The following SPTLC1 variants were observed in gnomAD, a reference collection of about 807,000 sequenced individuals.
SPTLC1 encodes the protein serine palmitoyltransferase long chain base subunit 1.
SPTLC1 carries 55 observed loss-of-function variants against 68.9 expected under a neutral mutation model. That is an observed-to-expected ratio of 0.80 (90% CI 0.64 to 1.00). The LOEUF is 1.00. SPTLC1 is among the 50% of genes least tolerant of loss of function. The probability of loss-of-function intolerance (pLI) is 0.00; values close to 1 mark genes in which losing one functional copy is unlikely to be tolerated. For synonymous variants in SPTLC1, 197 were observed against 201.6 expected (o/e 0.98, Z 0.19); for missense variants, 449 against 573.1 (o/e 0.78, Z 2.21).
At chr9:92,068,245 C>A in intron 5 of SPTLC1, 147 bp from the exon 6 acceptor site, 1 of 768,280 alleles carries the variant, frequency 1.3e-6, no homozygotes, top group South Asian at 1.8e-5. Context: ...ATAGATTATA[C>A]AAGATCTATT....
chr9:92,056,861 C>T (rs1214344577), intron 7 of SPTLC1, among the ~76,000 whole-genome samples: 1 of 152,186 alleles, frequency 6.6e-6, no homozygotes, highest in Non-Finnish European at 1.5e-5. Flanking sequence ...TTTACTCTGT[C>T]AACTCACAAC....
At chr9:92,075,703 C>T (rs186405777) in intron 5 of SPTLC1, among the ~76,000 whole-genome samples, 1 of 152,334 alleles carries the variant, frequency 6.6e-6, no homozygotes, top group East Asian at 1.9e-4. Context: ...TTATAGCACT[C>T]ACAACCTCCA....
At chr9:92,092,040 G>A (rs778982585) in intron 3 of SPTLC1, among the ~76,000 whole-genome samples, 8 of 152,234 alleles carry the variant, frequency 5.3e-5, no homozygotes, top group African/African-American at 1.4e-4. Context: ...GAATCCATAC[G>A]GTGGGTAATA....
chr9:92,111,045 A>C (rs1450750028), intron 2 of SPTLC1: 2 of 151,968 alleles, frequency 1.3e-5, no homozygotes, highest in African/African-American at 4.8e-5. Context: ...CATTAACATC[A>C]CCTCTTCTAA....
intron 2 of SPTLC1, chr9:92,110,580 A>AC (rs1413797438): frequency 3.9e-5 from 6 of 152,232 alleles, no homozygotes; most frequent in African/African-American, 1.4e-4. Context: ...ACCAAATGCC[A>AC]TTTATTTATA....
intron 3 of SPTLC1, among the ~76,000 whole-genome samples, chr9:92,095,222 G>A (rs1229061735): frequency 1.3e-5 from 2 of 152,164 alleles, no homozygotes; most frequent in African/African-American, 2.4e-5. Flanking sequence ...AACATTAAGA[G>A]AAATCCAAAG....
At chr9:92,075,306 C>T (rs1336087732) in intron 5 of SPTLC1, among the ~76,000 whole-genome samples, 1 of 152,172 alleles carries the variant, frequency 6.6e-6, no homozygotes, top group Non-Finnish European at 1.5e-5. Context: ...CCTTCTTAGA[C>T]GTTGTTGGAT....
rs1351235827 is a variant in SPTLC1 at position 92,040,263 on chromosome 9, G to A, written c.1137-1898C>T. On this transcript the variant is annotated intron_variant, in intron 12 of 14. Coordinates refer to ENST00000262554, the MANE Select transcript of SPTLC1 (RefSeq NM_006415.4). ...TGGACACCTATAATCCCAGCTACTC[G>A]GGAGGCTGAGGTAGTACAATCGCTT... is the stretch of plus-strand genomic sequence containing the variant. 2.0e-5 allele frequency among the ~76,000 whole-genome samples: 3 copies of A among 151,038 alleles called. No individual in the cohort carries two copies. In the South Asian group the frequency reaches 6.3e-4, roughly 32 times the overall value.
chr9:92,105,194 C>T, intron 3 of SPTLC1: 2 of 1,534,098 alleles, frequency 1.3e-6, no homozygotes, highest in Non-Finnish European at 1.7e-6. Context: ...GGGGCCACCG[C>T]TGCAGCTGCA....
intron 12 of SPTLC1, among the ~76,000 whole-genome samples, chr9:92,042,674 T>C (rs1398429192): frequency 6.6e-6 from 1 of 152,198 alleles, no homozygotes; most frequent in African/African-American, 2.4e-5. Context: ...GAAAATTTAA[T>C]GCAGTTCCAA....
chr9:92,087,260 A>G (rs1835180301), intron 3 of SPTLC1, among the ~76,000 whole-genome samples: 1 of 152,282 alleles, frequency 6.6e-6, no homozygotes, highest in Non-Finnish European at 1.5e-5. Flanking sequence ...GTCATTCTCC[A>G]TCCAGCTTTG....
At chr9:92,084,929 G>T (rs1358208356) in intron 3 of SPTLC1, among the ~76,000 whole-genome samples, 3 of 152,170 alleles carry the variant, frequency 2.0e-5, no homozygotes, top group Non-Finnish European at 4.4e-5. Context: ...GCTTGTTATT[G>T]GTCTATTCAG....
chr9:92,038,654 G>A (rs778014014), intron 12 of SPTLC1, among the ~76,000 whole-genome samples: 1 of 152,206 alleles, frequency 6.6e-6, no homozygotes, highest in Non-Finnish European at 1.5e-5. Flanking sequence ...CAGGCCCTCT[G>A]GGCCCCACCT....
intron 3 of SPTLC1, among the ~76,000 whole-genome samples, chr9:92,094,340 T>C (rs1835462002): frequency 6.6e-6 from 1 of 152,256 alleles, no homozygotes. Context: ...TGATGTTTTC[T>C]TGTCATGTGC....
rs1738529763 is a variant in SPTLC1 at position 92,108,852 on chromosome 9, T to C, written c.166-18A>G. On this transcript the variant is annotated intron_variant, in intron 2 of 14. Transcript: ENST00000262554. ...TCTTTTTCCTACAGGAGAAAAAGAATTAAAATACAGTGCAGTGCTAATATT... is the reference window on the plus strand; with the variant it reads ...TCTTTTTCCTACAGGAGAAAAAGAACTAAAATACAGTGCAGTGCTAATATT... 1 of 1,575,910 alleles carries C rather than the reference T, an allele frequency of 6.3e-7. No individual in the cohort carries two copies. Among genetic ancestry groups the C allele is most frequent in the Non-Finnish European group, 8.7e-7 (1 of 1,153,100 alleles).
intron 3 of SPTLC1, among the ~76,000 whole-genome samples, chr9:92,101,483 A>G (rs1346487859): frequency 1.4e-5 from 2 of 147,536 alleles, no homozygotes; most frequent in Non-Finnish European, 3.0e-5. Context: ...AATGGCGTGA[A>G]CCTGGGAGGC....
chr9:92,059,028 T>C, intron 7 of SPTLC1, 151 bp downstream of exon 7: 3 of 942,170 alleles, frequency 3.2e-6, no homozygotes, highest in African/African-American at 1.6e-5. Flanking sequence ...GACTTGGCTC[T>C]CCAACACCAA....
At chr9:92,115,150 A>G (rs1011475756) in intron 1 of SPTLC1, 164 bp downstream of exon 1, 13 of 683,352 alleles carry the variant, frequency 1.9e-5, no homozygotes, top group Non-Finnish European at 5.2e-6. Context: ...CCTACACTCA[A>G]CCGCTGGGAC....
intron 9 of SPTLC1, 42 bp downstream of exon 9, chr9:92,049,916 GTC>G: frequency 8.3e-7 from 1 of 1,211,636 alleles, no homozygotes. Flanking sequence ...GGAACTACAT[GTC>G]TCCTATAAGA....
Sources: allele counts gnomAD v4.1 joint callset (sites outside exome capture counted in the v4.1 genomes callset), GRCh38; gene constraint gnomAD v4.1.1; transcripts MANE v1.5; gene names NCBI Gene and HGNC (gene_info 2026-07-23, HGNC 2026-07-21).